The following GLIPR1L1 variants were observed in gnomAD, a reference collection of about 807,000 sequenced individuals.
GLIPR1L1 encodes the protein GLIPR1-like protein 1.
In GLIPR1L1, 26 loss-of-function variants were observed where a neutral mutation model predicts 29.9. That is an observed-to-expected ratio of 0.87 (90% CI 0.64 to 1.21). The LOEUF is 1.21. Among genes scored for constraint, GLIPR1L1 ranks in the 50% most tolerant of loss-of-function variants. The probability of loss-of-function intolerance (pLI) is 0.00; values close to 1 mark genes in which losing one functional copy is unlikely to be tolerated. For missense variants in GLIPR1L1, 305 were observed against 290.3 expected (o/e 1.05, Z -0.37); for synonymous variants, 77 against 97.5 (o/e 0.79, Z 1.24).
Position 75,370,101 on chromosome 12 carries a change from G to A in GLIPR1L1, c.654G>A (p.Lys218=). ...TTTTGACAGAAAATCCATTTCTGAA[G>A]CCAACGGGGAGAGCACCTCAGCAGA... The part of the protein sequence containing the change: ...LIIPNQNPFL[K]PTGRAPQQTA... Residue 218 remains lysine (K), a synonymous_variant, in exon 6 of 6, where the codon AAG becomes AAA. Transcript: ENST00000378695. The A allele has an allele frequency of 6.2e-7, 1 of 1,604,746 alleles. No homozygotes were observed. Among genetic ancestry groups the A allele is most frequent in the South Asian group, 1.1e-5 (1 of 90,668 alleles).
At position 75,343,776 on chromosome 12, in the gene GLIPR1L1, A is replaced by T. The variant is rs1468624532; in HGVS notation, c.258A>T (p.Ser86=). 1 of 1,613,222 alleles carries T rather than the reference A, an allele frequency of 6.2e-7. No homozygotes were observed. The highest frequency in any genetic ancestry group is 2.2e-5 in the East Asian group (1 of 44,806). The part of the protein sequence containing the change: ...KFEHNDCLDK[S]YKCYAAFEYV... ...AACATAATGACTGTTTGGATAAATC[A>T]TATAAATGCTATGCAGCTTTTGAAT... Residue 86 remains serine (S), a synonymous_variant, in exon 2 of 6, where the codon TCA becomes TCT. Coordinates refer to ENST00000378695, the MANE Select transcript of GLIPR1L1 (RefSeq NM_001304964.2).
At chr12:75,335,545 G>T (rs1205136748) in intron 1 of GLIPR1L1, among the ~76,000 whole-genome samples, 2 of 152,112 alleles carry the variant, frequency 1.3e-5, no homozygotes, top group Non-Finnish European at 2.9e-5. Context: ...GATAGTATTA[G>T]TCTATTTTAT....
At chr12:75,339,228 A>G (rs142152877) in intron 1 of GLIPR1L1, among the ~76,000 whole-genome samples, 1 of 152,252 alleles carries the variant, frequency 6.6e-6, no homozygotes, top group East Asian at 1.9e-4. Flanking sequence ...AACAATGTAA[A>G]AATGTTCCTT....
intron 4 of GLIPR1L1, among the ~76,000 whole-genome samples, chr12:75,367,268 GAAAAAAAAA>G (rs35250320): frequency 4.5e-5 from 4 of 88,738 alleles, no homozygotes; most frequent in South Asian, 4.1e-4. Context: ...TTCCTAGGAG[GAAAAAAAAA>G]AAAAAAAAAA....
Position 75,369,948 on chromosome 12 carries a change from T to A in GLIPR1L1, c.611-12T>A. The stretch of plus-strand genomic sequence containing the variant: ...TAACATTTTATAATATTAACTTTAA[T>A]TTTTACTTTAGGGACTCCACAACTT... On this transcript the variant is annotated splice_polypyrimidine_tract_variant and intron_variant, in intron 4 of 5. Coordinates refer to ENST00000378695, the MANE Select transcript of GLIPR1L1 (RefSeq NM_001304964.2). The A allele has an allele frequency of 1.7e-6, 2 of 1,178,924 alleles. No individual in the cohort carries two copies. Among genetic ancestry groups the A allele is most frequent in the Non-Finnish European group, 2.3e-6 (2 of 860,220 alleles). The allele number at this position is 1,178,924 out of a possible 1,614,324, so 73.0% of individuals were successfully genotyped here.
chr12:75,344,056 T>A (rs566300709), intron 2 of GLIPR1L1, 118 bp downstream of exon 2: 1 of 775,732 alleles, frequency 1.3e-6, no homozygotes, highest in African/African-American at 1.8e-5. Flanking sequence ...ATTTTTTCCT[T>A]TATCATAGGT....
intron 4 of GLIPR1L1, chr12:75,364,954 G>A (rs2043868004): frequency 1.3e-5 from 2 of 152,032 alleles, no homozygotes; most frequent in Admixed American, 6.6e-5. Flanking sequence ...GGTTAGAATG[G>A]ATTAAAAGGT....
At position 75,334,841 on chromosome 12, in the gene GLIPR1L1, T is replaced by A. The variant is rs1314105341; in HGVS notation, c.113T>A (p.Ile38Lys). ...GACCCACACTTTATAGACAACTGCA[T>A]AGAAGCCCACAACGAATGGCGTGGC... is the stretch of plus-strand genomic sequence containing the variant. Reference protein sequence around the residue: ...ITDPHFIDNCIEAHNEWRGKV... With the variant: ...ITDPHFIDNCKEAHNEWRGKV... Residue 38 changes from isoleucine (I) to lysine (K), a missense_variant, in exon 1 of 6, where the codon ATA becomes AAA. By Grantham distance (102) the Ile-to-Lys change is moderately radical. Coordinates refer to ENST00000378695, the MANE Select transcript of GLIPR1L1 (RefSeq NM_001304964.2). 6.2e-7 allele frequency: 1 copy of A among 1,614,002 alleles called. No individual in the cohort carries two copies.
At chr12:75,341,365 A>AAG (rs2042093368) in intron 1 of GLIPR1L1, among the ~76,000 whole-genome samples, 1 of 152,256 alleles carries the variant, frequency 6.6e-6, no homozygotes, top group African/African-American at 2.4e-5. Context: ...ATGGCTCTCA[A>AAG]AGGCATTATG....
intron 3 of GLIPR1L1, among the ~76,000 whole-genome samples, chr12:75,352,590 TG>T (rs145785697): frequency 0.022 from 3,327 of 152,312 alleles, 42 homozygotes; most frequent in Non-Finnish European, 0.035. Context: ...ATTAGCCAGA[TG>T]ACAGAGACAG....
intron 3 of GLIPR1L1, among the ~76,000 whole-genome samples, chr12:75,353,473 T>C (rs1213707874): frequency 6.6e-6 from 1 of 152,120 alleles, no homozygotes; most frequent in African/African-American, 2.4e-5. Context: ...AATAGACCAA[T>C]AACAAGTTCT....
At chr12:75,362,432 G>A (rs1415247429) in intron 3 of GLIPR1L1, among the ~76,000 whole-genome samples, 1 of 152,090 alleles carries the variant, frequency 6.6e-6, no homozygotes, top group Non-Finnish European at 1.5e-5. Context: ...ATGTATGAAT[G>A]CTTTCAACAT....
intron 1 of GLIPR1L1, among the ~76,000 whole-genome samples, chr12:75,341,099 T>C (rs1251070126): frequency 6.6e-6 from 1 of 152,038 alleles, no homozygotes; most frequent in Non-Finnish European, 1.5e-5. Context: ...TTCTGGGCAC[T>C]TTTTCCTTTT....
chr12:75,347,830 C>G (rs1449367416), intron 3 of GLIPR1L1, 108 bp downstream of exon 3: 1 of 535,072 alleles, frequency 1.9e-6, no homozygotes, highest in African/African-American at 1.9e-5. Context: ...TAAGTAATGA[C>G]TCCCTCTACA....
chr12:75,369,414 C>A, intron 4 of GLIPR1L1: 2 of 581,278 alleles, frequency 3.4e-6, no homozygotes, highest in Non-Finnish European at 4.3e-6. Flanking sequence ...ATATCCAAAG[C>A]TAGAATCATG....
chr12:75,346,239 T>C (rs932843229), intron 2 of GLIPR1L1, among the ~76,000 whole-genome samples: 1 of 152,162 alleles, frequency 6.6e-6, no homozygotes, highest in Non-Finnish European at 1.5e-5. Context: ...AATATATATA[T>C]TTTAGTTGTA....
intron 2 of GLIPR1L1, among the ~76,000 whole-genome samples, chr12:75,345,054 T>C (rs1019717746): frequency 1.3e-5 from 2 of 152,140 alleles, no homozygotes; most frequent in South Asian, 2.1e-4. Flanking sequence ...CTTTGCTGAA[T>C]AGATGATGAG....
At chr12:75,344,001 A>C (rs1265534695) in intron 2 of GLIPR1L1, 63 bp downstream of exon 2, 14 of 1,354,072 alleles carry the variant, frequency 1.0e-5, no homozygotes, top group African/African-American at 1.5e-5. Context: ...GCCAGAATTT[A>C]TTTCTCTGTA....
intron 4 of GLIPR1L1, among the ~76,000 whole-genome samples, chr12:75,365,864 A>C (rs1241110164): frequency 6.6e-6 from 1 of 152,144 alleles, no homozygotes; most frequent in East Asian, 1.9e-4. Flanking sequence ...TGTTTTCATT[A>C]AACCAACAAT....
Sources: gnomAD v4.1 joint callset for allele counts (sites outside exome capture counted in the v4.1 genomes callset) on GRCh38, gnomAD v4.1.1 for gene constraint, MANE v1.5 for transcripts, NCBI Gene and HGNC (gene_info 2026-07-23, HGNC 2026-07-21) for gene names.